Variants in ATM observed in about 807,000 individuals in gnomAD.
ATM encodes serine-protein kinase ATM.
ATM carries 308 observed loss-of-function variants against 387.0 expected under a neutral mutation model. The observed-to-expected ratio is 0.80, with a 90% confidence interval of 0.73 to 0.87. The LOEUF (loss-of-function observed/expected upper bound fraction) is 0.87. Among genes scored for constraint, ATM ranks in the 40% least tolerant of loss-of-function variants. The pLI is 0.00. For synonymous variants in ATM, 1,156 were observed against 1,187.3 expected, an observed-to-expected ratio of 0.97 and a Z score of 0.54; for missense variants, 3,312 against 3,560.9, an observed-to-expected ratio of 0.93 and a Z score of 1.78.
chr11:108,272,970 C>T (rs1027778949), intron 22 of ATM, 118 bp downstream of exon 22: 18 of 1,260,790 alleles, frequency 1.4e-5, no homozygotes, highest in South Asian at 4.8e-5. Context: ...TGAGTATATA[C>T]GGTGTGCCTG....
At chr11:108,268,962 A>T (rs182944107) in intron 18 of ATM, among the ~76,000 whole-genome samples, 1 of 152,168 alleles carries the variant, frequency 6.6e-6, no homozygotes, top group East Asian at 1.9e-4. Flanking sequence ...ATATATTTTC[A>T]GTTTTTTGGA....
rs1331649240 is a variant in ATM, at chr11:108,301,806, A to G, written c.5319+17A>G. 2.3e-5 allele frequency: 37 copies of G among 1,612,132 alleles called. No homozygotes were observed. Among genetic ancestry groups the G allele is most frequent in the Non-Finnish European group, 3.1e-5 (37 of 1,178,656 alleles). On this transcript the variant is annotated intron_variant, in intron 35 of 62. Transcript: ENST00000675843. Reference sequence around the variant, plus strand: ...AGAAAAAAGGTCTCTTAAGTAATAAATGTTTATTGAATACCCAGCATATCT... The same window carrying G: ...AGAAAAAAGGTCTCTTAAGTAATAAGTGTTTATTGAATACCCAGCATATCT...
chr11:108,278,366 T>C (rs1248109690), intron 22 of ATM, among the ~76,000 whole-genome samples: 2 of 152,146 alleles, frequency 1.3e-5, no homozygotes, highest in Non-Finnish European at 2.9e-5. Flanking sequence ...ACTGAGGTAA[T>C]ATAAGACTGA....
intron 13 of ATM, 83 bp downstream of exon 13, chr11:108,254,122 A>C: frequency 7.4e-7 from 1 of 1,352,192 alleles, no homozygotes; most frequent in Non-Finnish European, 1.0e-6. Flanking sequence ...GGGGCAGGAA[A>C]AACAGCAAGG....
intron 17 of ATM, 34 bp from the exon 18 acceptor site, chr11:108,268,372 CCCTT>C (rs767290754): frequency 1.8e-5 from 29 of 1,585,320 alleles, no homozygotes; most frequent in Non-Finnish European, 2.5e-5. Context: ...GGCTGTTGTG[CCCTT>C]CTCTTAGTGT....
chr11:108,235,946 C>A, intron 5 of ATM, 112 bp downstream of exon 5: 1 of 1,199,368 alleles, frequency 8.3e-7, no homozygotes, highest in Non-Finnish European at 1.2e-6. Flanking sequence ...GACAGTTTAA[C>A]AGTACTTTAG....
intron 61 of ATM, among the ~76,000 whole-genome samples, chr11:108,361,461 T>C (rs1247776091): frequency 1.3e-5 from 2 of 151,932 alleles, no homozygotes; most frequent in Non-Finnish European, 1.5e-5. Context: ...AAAGTTCATA[T>C]GGAACCAAAA....
chr11:108,280,966 T>A (rs2082197725), intron 23 of ATM, 29 bp from the exon 24 acceptor site: 2 of 1,537,518 alleles, frequency 1.3e-6, no homozygotes, highest in African/African-American at 1.6e-5. Context: ...ACATTTTACA[T>A]TACATTTTTT....
intron 5 of ATM, among the ~76,000 whole-genome samples, chr11:108,237,899 G>GTTTTTTTTTTTTTTTTTTTTTTTTTGT (rs2079365169): frequency 1.1e-5 from 1 of 92,046 alleles, no homozygotes; most frequent in African/African-American, 4.7e-5. Flanking sequence ...ATTTACTTAG[G>GTTTTTTTTTTTTTTTTTTTTTTTTTGT]TTTTTTTTTT....
rs2135566392 is a variant in ATM at position 108,272,588 on chromosome 11, G to A, written c.3134G>A (p.Cys1045Tyr). The stretch of plus-strand genomic sequence containing the variant: ...TCTGTAAGAATGGCCCTAGTAAATT[G>A]CCTTAAAACTTTGCTTGAGGTGAGT... ...IFSVRMALVN[C>Y]LKTLLEADPY... is the part of the protein sequence containing the mutation. Residue 1045 changes from cysteine to tyrosine, a missense_variant, in exon 21 of 63, where the codon TGC becomes TAC. Cys to Tyr is a radical substitution (Grantham distance 194). This residue lies in a region of ATM where 1,791 missense variants were observed against 1,804.5 expected (regional missense o/e 0.99). Transcript: ENST00000675843. The A allele has an allele frequency of 6.2e-7, 1 of 1,613,730 alleles. No individual in the cohort carries two copies. Among genetic ancestry groups the A allele is most frequent in the Non-Finnish European group, 8.5e-7 (1 of 1,179,736 alleles).
At chr11:108,286,102 C>T (rs1460644946) in intron 26 of ATM, among the ~76,000 whole-genome samples, 2 of 151,958 alleles carry the variant, frequency 1.3e-5, no homozygotes, top group African/African-American at 2.4e-5. Context: ...GAGGCCAAGG[C>T]GGGTGGATCA....
intron 38 of ATM, chr11:108,308,959 T>C: frequency 6.7e-7 from 1 of 1,485,088 alleles, no homozygotes; most frequent in African/African-American, 1.4e-5. Context: ...CTTTGAGTCA[T>C]TCATTTCAGA....
intron 39 of ATM, among the ~76,000 whole-genome samples, 200 bp downstream of exon 39, chr11:108,310,515 A>G (rs1313280150): frequency 6.6e-6 from 1 of 152,208 alleles, no homozygotes; most frequent in African/African-American, 2.4e-5. Context: ...AATGCTTATT[A>G]CTTAGGTATT....
chr11:108,266,860 A>G (rs2081278903), intron 16 of ATM, among the ~76,000 whole-genome samples: 1 of 145,344 alleles, frequency 6.9e-6, no homozygotes, highest in African/African-American at 2.6e-5. Flanking sequence ...CAGTGGCATG[A>G]TCTCAGCTCA....
intron 27 of ATM, among the ~76,000 whole-genome samples, chr11:108,288,003 A>G (rs2082584949): frequency 6.6e-6 from 1 of 151,018 alleles, no homozygotes. Flanking sequence ...GGCCCTTGAA[A>G]TTTTTTTCTT....
At chr11:108,279,109 T>A (rs2082091558) in intron 22 of ATM, among the ~76,000 whole-genome samples, 1 of 152,236 alleles carries the variant, frequency 6.6e-6, no homozygotes, top group Non-Finnish European at 1.5e-5. Context: ...ACTTACCCGC[T>A]TTCAGAGTGA....
chr11:108,287,376 T>G (rs1190127468), intron 26 of ATM: 1 of 359,740 alleles, frequency 2.8e-6, no homozygotes, highest in African/African-American at 2.1e-5. Context: ...TAAGGGGGCC[T>G]TGTTTGGCTG....
At chr11:108,289,373 TGTA>T (rs1470135371) in intron 28 of ATM, among the ~76,000 whole-genome samples, 1 of 152,214 alleles carries the variant, frequency 6.6e-6, no homozygotes, top group Non-Finnish European at 1.5e-5. Flanking sequence ...ACTATTTAAT[TGTA>T]GTTTACTTTC....
chr11:108,332,612 T>A, intron 52 of ATM, 150 bp from the exon 53 acceptor site: 1 of 845,026 alleles, frequency 1.2e-6, no homozygotes, highest in Non-Finnish European at 1.8e-6. Context: ...GTATTTCATT[T>A]ATGACTGTTT....
Sources: allele counts gnomAD v4.1 joint callset (sites outside exome capture counted in the v4.1 genomes callset), GRCh38; gene constraint gnomAD v4.1.1; regional missense constraint gnomAD v4.1.1; transcripts MANE v1.5; gene names NCBI Gene and HGNC (gene_info 2026-07-23, HGNC 2026-07-21).